Variants in SVEP1 observed in about 807,000 individuals in gnomAD.
SVEP1 encodes the protein sushi, von Willebrand factor type A, EGF and pentraxin domain containing 1, also known as sushi, von Willebrand factor type A, EGF and pentraxin domain-containing protein 1.
Under a neutral mutation model 367.3 loss-of-function variants are expected in SVEP1, and 164 were observed. That is an observed-to-expected ratio of 0.45 (90% CI 0.39 to 0.51). The LOEUF (loss-of-function observed/expected upper bound fraction) is 0.51, where lower values mean the gene tolerates loss of function less well. Ranked by LOEUF, SVEP1 falls within the 20% of genes least tolerant of loss-of-function variation. The pLI, the probability that SVEP1 is intolerant of heterozygous loss-of-function variation, is 0.00. For synonymous variants in SVEP1, 1,666 were observed against 1,611.6 expected, an observed-to-expected ratio of 1.03 and a Z score of -0.81; for missense variants, 4,117 against 4,425.3, an observed-to-expected ratio of 0.93 and a Z score of 1.98.
chr9:110,457,818 A>C (rs1474579221), intron 20 of SVEP1, among the ~76,000 whole-genome samples: 1 of 152,198 alleles, frequency 6.6e-6, no homozygotes, highest in Non-Finnish European at 1.5e-5. Context: ...AGTCCTAACA[A>C]GTCATTATGT....
At chr9:110,391,774 A>G (rs898062757) in intron 40 of SVEP1, among the ~76,000 whole-genome samples, 2 of 152,092 alleles carry the variant, frequency 1.3e-5, no homozygotes, top group Non-Finnish European at 2.9e-5. Context: ...CCCAGCTTAA[A>G]CACTGCTTCT....
intron 1 of SVEP1, among the ~76,000 whole-genome samples, chr9:110,551,653 C>T (rs571343999): frequency 5.9e-5 from 9 of 152,268 alleles, no homozygotes; most frequent in Non-Finnish European, 1.0e-4. Flanking sequence ...GAAGCCCAAT[C>T]AACACTCTCA....
At chr9:110,556,413 A>G (rs1472625461) in intron 1 of SVEP1, among the ~76,000 whole-genome samples, 1 of 152,210 alleles carries the variant, frequency 6.6e-6, no homozygotes, top group African/African-American at 2.4e-5. Context: ...CTGCAACACA[A>G]CCTTAATTGC....
intron 46 of SVEP1, among the ~76,000 whole-genome samples, chr9:110,371,864 A>G (rs759513410): frequency 1.3e-5 from 2 of 152,076 alleles, no homozygotes; most frequent in Non-Finnish European, 2.9e-5. Context: ...CCCGCAATGA[A>G]TCTCTCTATT....
chr9:110,544,665 G>A lies in SVEP1; in HGVS notation c.964+1450C>T, dbSNP rs907718495. ...ATTGACGTGTAACAACTATTCACAC[G>A]CATGGGGCACAGTAAGATATTTTAA... On this transcript the variant is annotated intron_variant, in intron 3 of 47. Transcript: ENST00000374469. Among the ~76,000 whole-genome samples, 5 of 152,090 alleles carry A rather than the reference G, an allele frequency of 3.3e-5. 1 individual carries two copies. The South Asian group carries it at 8.3e-4, about 25-fold the overall frequency.
At chr9:110,436,694 A>T (rs1828435085) in intron 27 of SVEP1, among the ~76,000 whole-genome samples, 190 bp from the exon 28 acceptor site, 1 of 152,212 alleles carries the variant, frequency 6.6e-6, no homozygotes, top group Non-Finnish European at 1.5e-5. Context: ...AGCAACTTAA[A>T]AATAGACAGG....
chr9:110,394,445 C>T (rs1011067956), intron 40 of SVEP1, among the ~76,000 whole-genome samples: 13 of 152,168 alleles, frequency 8.5e-5, no homozygotes, highest in Non-Finnish European at 1.9e-4. Context: ...ATCAGAGCGC[C>T]TCTCCTCCTC....
chr9:110,449,201 A>C (rs1301668105), intron 24 of SVEP1, among the ~76,000 whole-genome samples: 12 of 152,174 alleles, frequency 7.9e-5, no homozygotes, highest in Admixed American at 7.2e-4. Flanking sequence ...ACTGTATTCT[A>C]CTGGCACCTA....
Position 110,427,588 on chromosome 9 carries a change from C to T in SVEP1, c.5975+3G>A, listed in dbSNP as rs1828274978. ...GATCCTTTCCTTCACAGGCCCTACT[C>T]ACCCTTCTTTGCAAGTGTAAGTGAC... is the stretch of plus-strand genomic sequence containing the variant. On this transcript the variant is annotated splice_donor_region_variant and intron_variant, in intron 36 of 47. Coordinates refer to ENST00000374469, the MANE Select transcript of SVEP1 (RefSeq NM_153366.4). 6.2e-7 allele frequency: 1 copy of T among 1,612,176 alleles called. No individual in the cohort carries two copies. Among genetic ancestry groups the T allele is most frequent in the South Asian group, 1.1e-5 (1 of 90,722 alleles).
chr9:110,396,180 C>T (rs1324753309), intron 40 of SVEP1, among the ~76,000 whole-genome samples: 1 of 152,156 alleles, frequency 6.6e-6, no homozygotes, highest in African/African-American at 2.4e-5. Flanking sequence ...AACTAGAACT[C>T]AGTATTAAGA....
chr9:110,390,341 T>TTA lies in SVEP1; in HGVS notation c.9823-756_9823-755dup. ...TATATATACTTATATATACACATAC[T>TTA]TATATACACTTATATATATATACTT... is the stretch of plus-strand genomic sequence containing the variant. On this transcript the variant is annotated intron_variant, in intron 40 of 47. Coordinates refer to ENST00000374469, the MANE Select transcript of SVEP1 (RefSeq NM_153366.4). Among the ~76,000 whole-genome samples the TTA allele has an allele frequency of 2.4e-3, 74 of 30,326 alleles. 1 individual carries two copies. The highest frequency in any genetic ancestry group is 4.0e-3 in the African/African-American group (15 of 3,774). The allele number at this position is 30,326 out of a possible 152,430, so 19.9% of individuals were successfully genotyped here.
chr9:110,569,897 A>G (rs1462004286), intron 1 of SVEP1, among the ~76,000 whole-genome samples: 1 of 152,218 alleles, frequency 6.6e-6, no homozygotes, highest in African/African-American at 2.4e-5. Context: ...TTCTTGAATG[A>G]CTCTATGAGA....
chr9:110,395,153 C>T (rs566442037), intron 40 of SVEP1, among the ~76,000 whole-genome samples: 201 of 152,344 alleles, frequency 1.3e-3, no homozygotes, highest in African/African-American at 4.7e-3. Context: ...CAGCTGATCT[C>T]TCAGCAGAAA....
At chr9:110,482,538 A>T (rs1564155284) in intron 10 of SVEP1, 46 bp from the exon 11 acceptor site, 4 of 1,542,760 alleles carry the variant, frequency 2.6e-6, no homozygotes, top group Non-Finnish European at 2.6e-6. Context: ...TATTCACAAT[A>T]TTTTTTTTGA....
intron 3 of SVEP1, among the ~76,000 whole-genome samples, chr9:110,528,156 G>GTGTGTGTATA: frequency 3.2e-3 from 110 of 33,948 alleles, no homozygotes; most frequent in Non-Finnish European, 3.6e-3. Flanking sequence ...GTGTGTGTGT[G>GTGTGTGTATA]TATATATATA....
intron 27 of SVEP1, among the ~76,000 whole-genome samples, chr9:110,441,476 A>G (rs1828509187): frequency 6.6e-6 from 1 of 152,158 alleles, no homozygotes; most frequent in East Asian, 1.9e-4. Flanking sequence ...CCTTGACTCT[A>G]CAGCTCTGTC....
At position 110,407,098 on chromosome 9, in the gene SVEP1, A is replaced by G. The variant is rs760597388; in HGVS notation, c.8502T>C (p.Ser2834=). 1 of 1,613,976 alleles carries G rather than the reference A, an allele frequency of 6.2e-7. No homozygotes were observed. The highest frequency in any genetic ancestry group is 1.1e-5 in the South Asian group (1 of 91,074). ...GGCCATTGGCTGAGACTGGGGGTGAACTGCAGTCCACAGGAATGCAAATGG... is the reference window on the plus strand; with the variant it reads ...GGCCATTGGCTGAGACTGGGGGTGAGCTGCAGTCCACAGGAATGCAAATGG... The part of the protein sequence containing the change: ...DEPICIPVDC[S]SPPVSANGQV... The change falls in exon 38 of 48, where the codon AGT becomes AGC. Residue 2834 remains serine, a synonymous_variant. Transcript: ENST00000374469.
At chr9:110,514,182 T>A (rs537992567) in intron 3 of SVEP1, 76 bp from the exon 4 acceptor site, 1 of 1,534,712 alleles carries the variant, frequency 6.5e-7, no homozygotes, top group Admixed American at 1.9e-5. Flanking sequence ...TTGAAATTAA[T>A]ATGGGAGAGA....
At position 110,435,347 on chromosome 9, in the gene SVEP1, G is replaced by A. The variant is rs775332180; in HGVS notation, c.4782C>T (p.Thr1594=). The A allele has an allele frequency of 1.9e-6, 3 of 1,613,192 alleles. No individual in the cohort carries two copies. The Admixed American group carries it at 5.0e-5, about 27-fold the overall frequency. ...CTTTACTGAGTTCCTCTGGGCAGGA[G>A]GTAGCCAGTGACTTCACCTGAAAGT... is the stretch of plus-strand genomic sequence containing the variant. ...LSPQQVKSLA[T]SCPEELSKGN... Residue 1594 remains threonine, a synonymous_variant, in exon 29 of 48, where the codon ACC becomes ACT. Transcript: ENST00000374469.
Sources: allele counts gnomAD v4.1 joint callset (sites outside exome capture counted in the v4.1 genomes callset), GRCh38; gene constraint gnomAD v4.1.1; transcripts MANE v1.5; gene names NCBI Gene and HGNC (gene_info 2026-07-23, HGNC 2026-07-21).